The following FBXL17 variants were observed in gnomAD, a reference collection of about 807,000 sequenced individuals.
FBXL17 encodes the protein F-box/LRR-repeat protein 17.
In FBXL17, 22 loss-of-function variants were observed where a neutral mutation model predicts 66.2. The ratio of observed to expected loss-of-function variants is 0.33; its 90% CI spans 0.24 to 0.47. The LOEUF (loss-of-function observed/expected upper bound fraction) is 0.47, where lower values mean the gene tolerates loss of function less well. Among genes scored for constraint, FBXL17 ranks in the 20% least tolerant of loss-of-function variants. The probability of loss-of-function intolerance (pLI) is 1.00; values close to 1 mark genes in which losing one functional copy is unlikely to be tolerated. For missense variants in FBXL17, 878 were observed against 948.2 expected (o/e 0.93, Z 0.97); for synonymous variants, 474 against 400.5 (o/e 1.18, Z -2.19).
At chr5:108,020,748 T>C (rs1754565620) in intron 7 of FBXL17, 177 bp downstream of exon 7, 2 of 506,760 alleles carry the variant, frequency 3.9e-6, no homozygotes, top group East Asian at 6.2e-5. Context: ...GCATATTCAT[T>C]TTACTCTGGT....
At chr5:108,306,808 T>C (rs1298172361) in intron 4 of FBXL17, among the ~76,000 whole-genome samples, 1 of 152,020 alleles carries the variant, frequency 6.6e-6, no homozygotes, top group Non-Finnish European at 1.5e-5. Flanking sequence ...TGAACCTTCA[T>C]ATTCTCTCTC....
chr5:108,074,487 CCT>C (rs944449457), intron 6 of FBXL17, among the ~76,000 whole-genome samples: 1 of 150,914 alleles, frequency 6.6e-6, no homozygotes, highest in Admixed American at 6.6e-5. Context: ...GTGTTTGGTC[CCT>C]CTGTTTGCTT....
chr5:108,300,224 G>C (rs1469137512), intron 4 of FBXL17, among the ~76,000 whole-genome samples: 1 of 151,744 alleles, frequency 6.6e-6, no homozygotes, highest in African/African-American at 2.4e-5. Context: ...CCATTTACTT[G>C]ATTAAAAAAT....
chr5:107,935,011 C>T (rs1261568287), intron 7 of FBXL17, among the ~76,000 whole-genome samples: 5 of 151,792 alleles, frequency 3.3e-5, no homozygotes, highest in African/African-American at 9.7e-5. Flanking sequence ...CTAAGGTTAT[C>T]GTTGCCATTA....
intron 6 of FBXL17, among the ~76,000 whole-genome samples, chr5:108,027,155 T>C (rs1754856482): frequency 6.6e-6 from 1 of 152,220 alleles, no homozygotes; most frequent in South Asian, 2.1e-4. Flanking sequence ...TTCATTTATA[T>C]AGTAAAATGT....
At chr5:108,031,464 G>C (rs540667760) in intron 6 of FBXL17, among the ~76,000 whole-genome samples, 193 of 151,946 alleles carry the variant, frequency 1.3e-3, no homozygotes, top group African/African-American at 4.5e-3. Context: ...AAAGAAAGAG[G>C]GAAGCATGGT....
intron 5 of FBXL17, among the ~76,000 whole-genome samples, chr5:108,222,522 T>C (rs1404096054): frequency 6.6e-6 from 1 of 152,166 alleles, no homozygotes; most frequent in Admixed American, 6.5e-5. Context: ...CTTTAGGCTC[T>C]GATCCTCACA....
In FBXL17 at chr5:108,100,636, T is replaced by C. The variant is rs147263701; in HGVS notation, c.1746-79635A>G. Among the ~76,000 whole-genome samples, 427 of 152,312 alleles carry C rather than the reference T, an allele frequency of 2.8e-3. 2 individuals carry two copies. Among genetic ancestry groups the C allele is most frequent in the African/African-American group, 9.7e-3 (404 of 41,582 alleles). Reference sequence around the variant, plus strand: ...TGCTTTAGAAGAACTCCTAGGAGACTCTTCTTGATAATTTACAATATCAAC... The same window carrying C: ...TGCTTTAGAAGAACTCCTAGGAGACCCTTCTTGATAATTTACAATATCAAC... On this transcript the variant is annotated intron_variant, in intron 6 of 8. Coordinates refer to ENST00000542267, the MANE Select transcript of FBXL17 (RefSeq NM_001163315.3).
intron 7 of FBXL17, among the ~76,000 whole-genome samples, chr5:107,992,130 C>A (rs1275073678): frequency 6.6e-6 from 1 of 150,750 alleles, no homozygotes; most frequent in African/African-American, 2.4e-5. Context: ...AAAATGACTT[C>A]TAAATCTATA....
At chr5:107,883,802 G>GT (rs1748873587) in intron 7 of FBXL17, among the ~76,000 whole-genome samples, 1 of 152,170 alleles carries the variant, frequency 6.6e-6, no homozygotes, top group Admixed American at 6.5e-5. Flanking sequence ...CTAAGGGGGT[G>GT]TAAGAGCCCC....
chr5:107,902,165 T>G (rs186584843), intron 7 of FBXL17, among the ~76,000 whole-genome samples: 1 of 152,272 alleles, frequency 6.6e-6, no homozygotes, highest in African/African-American at 2.4e-5. Context: ...TGCTGTGGTT[T>G]TTTAGTTTTT....
chr5:108,155,423 G>A (rs1390060590), intron 6 of FBXL17, among the ~76,000 whole-genome samples: 1 of 152,116 alleles, frequency 6.6e-6, no homozygotes, highest in Admixed American at 6.5e-5. Flanking sequence ...GCTGAGGCAG[G>A]AGAATCACTG....
In FBXL17 at chr5:107,905,668, T is replaced by A. The variant is rs571402405; in HGVS notation, c.1823-24489A>T. Among the ~76,000 whole-genome samples the A allele has an allele frequency of 2.0e-5, 3 of 152,324 alleles. No individual in the cohort carries two copies. In the South Asian group the frequency reaches 6.2e-4, roughly 32 times the overall value. On this transcript the variant is annotated intron_variant, in intron 7 of 8. Coordinates refer to ENST00000542267, the MANE Select transcript of FBXL17 (RefSeq NM_001163315.3). ...GATCACAATGTATGTGCTATGTGCATGTATGTATATATCTTCTCTCTCTGG... is the reference window on the plus strand; with the variant it reads ...GATCACAATGTATGTGCTATGTGCAAGTATGTATATATCTTCTCTCTCTGG...
At chr5:108,040,035 C>T (rs1746987841) in intron 6 of FBXL17, among the ~76,000 whole-genome samples, 1 of 152,108 alleles carries the variant, frequency 6.6e-6, no homozygotes, top group Non-Finnish European at 1.5e-5. Flanking sequence ...CTAAACCAAA[C>T]TTCCCAAATT....
chr5:108,113,020 G>T (rs1457014025), intron 6 of FBXL17, among the ~76,000 whole-genome samples: 1 of 152,104 alleles, frequency 6.6e-6, no homozygotes, highest in East Asian at 1.9e-4. Flanking sequence ...TTTACAGACA[G>T]AAAGTCATAC....
intron 4 of FBXL17, among the ~76,000 whole-genome samples, chr5:108,268,825 T>A (rs1165224752): frequency 6.6e-6 from 1 of 152,048 alleles, no homozygotes; most frequent in Non-Finnish European, 1.5e-5. Context: ...TTAGAGTTTT[T>A]AAGCTGGTCC....
chr5:108,348,225 T>C (rs936629313), intron 4 of FBXL17, among the ~76,000 whole-genome samples, 174 bp downstream of exon 4: 2 of 152,210 alleles, frequency 1.3e-5, no homozygotes, highest in African/African-American at 2.4e-5. Flanking sequence ...AAACACCATC[T>C]ATTCAGTTAA....
intron 7 of FBXL17, among the ~76,000 whole-genome samples, chr5:107,925,913 C>G (rs528293172): frequency 2.6e-4 from 39 of 152,264 alleles, no homozygotes; most frequent in Non-Finnish European, 3.4e-4. Context: ...GGGTTTCATG[C>G]TTTCACAGAC....
At chr5:107,875,254 G>A (rs1748585871) in intron 8 of FBXL17, among the ~76,000 whole-genome samples, 1 of 152,104 alleles carries the variant, frequency 6.6e-6, no homozygotes, top group Non-Finnish European at 1.5e-5. Flanking sequence ...TGGCTGAATT[G>A]CTACCAAAAC....
Sources: gnomAD v4.1 joint callset for allele counts (sites outside exome capture counted in the v4.1 genomes callset) on GRCh38, gnomAD v4.1.1 for gene constraint, MANE v1.5 for transcripts, NCBI Gene and HGNC (gene_info 2026-07-23, HGNC 2026-07-21) for gene names.